Variants in TTC3 observed in about 807,000 individuals in gnomAD.
TTC3 encodes the protein E3 ubiquitin-protein ligase TTC3.
Under a neutral mutation model 249.6 loss-of-function variants are expected in TTC3, and 180 were observed. That is an observed-to-expected ratio of 0.72 (90% confidence interval 0.64 to 0.82). The LOEUF is 0.82. TTC3 is among the 40% of genes least tolerant of loss of function. The pLI is 0.00. For missense variants in TTC3, 2,061 were observed against 2,398.4 expected (o/e 0.86, Z 2.94); for synonymous variants, 717 against 805.0 (o/e 0.89, Z 1.85).
chr21:37,135,457 C>T, exon 18 of TTC3: 1 of 1,614,022 alleles, frequency 6.2e-7, no homozygotes, highest in Non-Finnish European at 8.5e-7. Flanking sequence ...AGCGTTGCCG[C>T]AGCGCTGCAC....
At position 37,191,415 on chromosome 21, in the gene TTC3, GA is replaced by G; in HGVS notation, c.5109del (p.Ala1704GlnfsTer54). 6.4e-7 allele frequency: 1 copy of G among 1,571,590 alleles called. No homozygotes were observed. Among genetic ancestry groups the G allele is most frequent in the South Asian group, 1.2e-5 (1 of 81,416 alleles). On this transcript the variant is annotated frameshift_variant, in exon 40 of 46. Coordinates refer to ENST00000355666, the Ensembl canonical transcript of TTC3. LOFTEE classifies it high-confidence loss of function. ...TTTCTAATGTTACAAAAGAAATTGA[GA>G]AAGCAAAGGTAAGTTGTAAACATCT...
At chr21:37,082,984 G>A (rs1397227600) in intron 1 of TTC3, 4 of 985,076 alleles carry the variant, frequency 4.1e-6, no homozygotes, top group Non-Finnish European at 4.8e-6. Context: ...AGTACAGATG[G>A]CAAATGGATT....
At chr21:37,140,734 A>G in intron 20 of TTC3, 61 bp downstream of exon 20, 1 of 1,122,944 alleles carries the variant, frequency 8.9e-7, no homozygotes, top group East Asian at 2.6e-5. Context: ...ATCCAATGTG[A>G]TAATGATCCA....
At chr21:37,135,508 A>G in exon 18 of TTC3, 2 of 1,611,810 alleles carry the variant, frequency 1.2e-6, no homozygotes, top group Non-Finnish European at 1.7e-6. Context: ...ATCCTCAAAA[A>G]ATAAAGGTAA....
At chr21:37,114,324 A>G (rs1048992223) in intron 11 of TTC3, among the ~76,000 whole-genome samples, 2 of 152,164 alleles carry the variant, frequency 1.3e-5, no homozygotes, top group East Asian at 3.8e-4. Flanking sequence ...TCTACAATGA[A>G]CTCAAACAAA....
At chr21:37,145,017 T>G (rs1300972576) in intron 21 of TTC3, among the ~76,000 whole-genome samples, 1 of 152,240 alleles carries the variant, frequency 6.6e-6, no homozygotes, top group Non-Finnish European at 1.5e-5. Context: ...TGCATGATCA[T>G]GCACTCTGCT....
At chr21:37,129,893 C>T (rs978826044) in intron 16 of TTC3, among the ~76,000 whole-genome samples, 4 of 152,244 alleles carry the variant, frequency 2.6e-5, no homozygotes, top group African/African-American at 9.6e-5. Context: ...GATCCTTCTG[C>T]CTTGGCCTCC....
intron 7 of TTC3, among the ~76,000 whole-genome samples, chr21:37,092,452 A>C (rs983139414): frequency 1.3e-5 from 2 of 152,176 alleles, no homozygotes; most frequent in African/African-American, 4.8e-5. Flanking sequence ...TGTACTAGGT[A>C]CACCTCTTTA....
exon 34 of TTC3, chr21:37,167,563 G>C (rs757232610): frequency 6.2e-7 from 1 of 1,608,454 alleles, no homozygotes; most frequent in Non-Finnish European, 8.5e-7. Flanking sequence ...AGGTATCTTG[G>C]AACATAATAC....
At chr21:37,195,774 G>C in exon 42 of TTC3, 8 of 1,614,196 alleles carry the variant, frequency 5.0e-6, no homozygotes, top group Non-Finnish European at 6.8e-6. Flanking sequence ...ACTTCACAGG[G>C]ATCCTAGTGT....
chr21:37,153,399 A>G (rs770586407), intron 27 of TTC3, 122 bp downstream of exon 27: 163 of 964,412 alleles, frequency 1.7e-4, no homozygotes, highest in Non-Finnish European at 2.4e-4. Context: ...ATAAATTTGT[A>G]TGGTTAAGAA....
intron 28 of TTC3, among the ~76,000 whole-genome samples, chr21:37,157,820 G>T (rs1275303550): frequency 1.3e-5 from 2 of 152,062 alleles, no homozygotes; most frequent in Non-Finnish European, 2.9e-5. Flanking sequence ...GACATGTGTG[G>T]TCCTGTTTTA....
intron 10 of TTC3, among the ~76,000 whole-genome samples, chr21:37,103,638 A>G (rs1305751490): frequency 1.3e-5 from 2 of 152,158 alleles, no homozygotes; most frequent in East Asian, 1.9e-4. Flanking sequence ...TTGTAGTGCT[A>G]TATATTATAA....
intron 6 of TTC3, chr21:37,090,653 T>A: frequency 2.2e-6 from 1 of 444,722 alleles, no homozygotes; most frequent in Non-Finnish European, 3.0e-6. Context: ...AACCAATTTT[T>A]AATGATACTG....
intron 31 of TTC3, among the ~76,000 whole-genome samples, chr21:37,163,538 C>T (rs554616158): frequency 7.9e-5 from 12 of 152,024 alleles, no homozygotes; most frequent in East Asian, 3.9e-4. Flanking sequence ...TTATTAGGGA[C>T]GGGGTTTTTC....
exon 24 of TTC3, chr21:37,150,149 T>C: frequency 6.2e-7 from 1 of 1,612,894 alleles, no homozygotes; most frequent in Non-Finnish European, 8.5e-7. Context: ...TCTTCAGCAG[T>C]GGTGGTGAAG....
intron 20 of TTC3, among the ~76,000 whole-genome samples, chr21:37,142,863 A>AACCAAAACAGCATGTTACTGGT (rs2078618846): frequency 6.6e-6 from 1 of 152,216 alleles, no homozygotes; most frequent in Non-Finnish European, 1.5e-5. Context: ...AGGCTGCAGT[A>AACCAAAACAGCATGTTACTGGT]ACCAAAACAG....
chr21:37,169,908 A>G (rs2081599185), intron 34 of TTC3, among the ~76,000 whole-genome samples: 1 of 152,012 alleles, frequency 6.6e-6, no homozygotes, highest in South Asian at 2.1e-4. Flanking sequence ...CAAAAACTGG[A>G]TTATTAAATA....
At chr21:37,088,272 C>T (rs758664992) in exon 4 of TTC3, 4 of 1,613,506 alleles carry the variant, frequency 2.5e-6, no homozygotes, top group South Asian at 1.1e-5. Flanking sequence ...TTAAAATAAA[C>T]ATCTTCTGGC....
Sources: allele counts gnomAD v4.1 joint callset (sites outside exome capture counted in the v4.1 genomes callset), GRCh38; gene constraint gnomAD v4.1.1; transcripts MANE v1.5; gene names NCBI Gene and HGNC (gene_info 2026-07-23, HGNC 2026-07-21).